Variants in RBMS1 observed in about 807,000 individuals in gnomAD.
The protein encoded by RBMS1 is RNA-binding motif, single-stranded-interacting protein 1.
A neutral mutation model predicts 62.3 loss-of-function variants in RBMS1; 17 were observed. The ratio of observed to expected loss-of-function variants is 0.27; its 90% CI spans 0.19 to 0.41. RBMS1 has a LOEUF of 0.41. RBMS1 is among the 10% of genes least tolerant of loss of function. The pLI is 1.00. For synonymous variants in RBMS1, 172 were observed against 170.0 expected (o/e 1.01, Z -0.09); for missense variants, 334 against 504.5 (o/e 0.66, Z 3.24).
intron 9 of RBMS1, chr2:160,282,467 G>A (rs1688154127): frequency 1.3e-5 from 6 of 464,526 alleles, no homozygotes; most frequent in South Asian, 1.0e-4. Flanking sequence ...ACTCCAACAT[G>A]AGTGCAGGGC....
intron 2 of RBMS1, among the ~76,000 whole-genome samples, chr2:160,355,495 C>T (rs573173880): frequency 2.0e-5 from 3 of 152,212 alleles, no homozygotes; most frequent in South Asian, 4.1e-4. Flanking sequence ...TCTTAAGACT[C>T]CAAATCTTAT....
At position 160,285,446 on chromosome 2, in the gene RBMS1, C is replaced by A. The variant is rs897420544; in HGVS notation, c.757-402G>T. 6.6e-5 allele frequency among the ~76,000 whole-genome samples: 10 copies of A among 152,236 alleles called. 1 individual carries two copies. Among genetic ancestry groups the A allele is most frequent in the Middle Eastern group, 6.8e-3 (2 of 294 alleles). ...CTACATAAAAAATCAATCTCTCTAG[C>A]ATACTAGCTACGTTTCAAGTGCTCA... On this transcript the variant is annotated intron_variant, in intron 7 of 13. Coordinates refer to ENST00000348849, the MANE Select transcript of RBMS1 (RefSeq NM_016836.4).
At chr2:160,356,117 C>T (rs1692786112) in intron 2 of RBMS1, among the ~76,000 whole-genome samples, 1 of 152,064 alleles carries the variant, frequency 6.6e-6, no homozygotes, top group Admixed American at 6.6e-5. Context: ...CATATATGCA[C>T]AAACCCTCTC....
chr2:160,351,677 G>A (rs1163915568), intron 2 of RBMS1, among the ~76,000 whole-genome samples: 1 of 152,144 alleles, frequency 6.6e-6, no homozygotes, highest in Non-Finnish European at 1.5e-5. Flanking sequence ...CCAGGAAACT[G>A]TTGTGCATCC....
At chr2:160,375,186 C>T (rs1693933265) in intron 1 of RBMS1, among the ~76,000 whole-genome samples, 1 of 152,136 alleles carries the variant, frequency 6.6e-6, no homozygotes, top group Non-Finnish European at 1.5e-5. Context: ...ACCTTTAGTA[C>T]TCTTGTCTGT....
chr2:160,340,635 A>C (rs528716666), intron 2 of RBMS1, among the ~76,000 whole-genome samples: 1 of 152,300 alleles, frequency 6.6e-6, no homozygotes, highest in South Asian at 2.1e-4. Context: ...TCTGATATAC[A>C]ACTTATAAAA....
At chr2:160,280,586 T>C (rs186571104) in intron 10 of RBMS1, among the ~76,000 whole-genome samples, 15 of 152,328 alleles carry the variant, frequency 9.8e-5, no homozygotes, top group Middle Eastern at 3.4e-3. Flanking sequence ...GTGAACTGTA[T>C]TGCTTACCAG....
At chr2:160,330,412 T>TA (rs1691197626) in intron 2 of RBMS1, among the ~76,000 whole-genome samples, 1 of 152,128 alleles carries the variant, frequency 6.6e-6, no homozygotes, top group African/African-American at 2.4e-5. Flanking sequence ...ATCAAATATA[T>TA]AAATGTCCCA....
At chr2:160,419,737 A>G (rs867365815) in intron 1 of RBMS1, among the ~76,000 whole-genome samples, 6 of 152,228 alleles carry the variant, frequency 3.9e-5, no homozygotes, top group African/African-American at 9.6e-5. Context: ...ATAGCCGGTT[A>G]TAAGTTTTCT....
chr2:160,287,124 A>G, intron 6 of RBMS1, 40 bp from the exon 7 acceptor site: 1 of 1,608,226 alleles, frequency 6.2e-7, no homozygotes, highest in Admixed American at 1.7e-5. Flanking sequence ...CCACAATGAT[A>G]CGTGTATGTG....
At chr2:160,481,787 C>A (rs776000820) in intron 1 of RBMS1, among the ~76,000 whole-genome samples, 1 of 152,022 alleles carries the variant, frequency 6.6e-6, no homozygotes, top group Non-Finnish European at 1.5e-5. Context: ...CAGGAAAATG[C>A]AAATTAAAAC....
intron 11 of RBMS1, chr2:160,277,838 G>C (rs1474966735): frequency 6.4e-6 from 1 of 157,142 alleles, no homozygotes; most frequent in Non-Finnish European, 1.4e-5. Context: ...TTAGGCAGCA[G>C]AGCCTGGCTT....
At chr2:160,398,920 A>C (rs563626435) in intron 1 of RBMS1, among the ~76,000 whole-genome samples, 1 of 152,240 alleles carries the variant, frequency 6.6e-6, no homozygotes, top group Non-Finnish European at 1.5e-5. Flanking sequence ...TAATACATTC[A>C]CACTGCCACA....
In RBMS1 at chr2:160,359,531, T is replaced by G. The variant is rs560908786; in HGVS notation, c.251+7685A>C. The stretch of plus-strand genomic sequence containing the variant: ...TTTTCCTACCTCATCATAGGATCAT[T>G]CTTTTGTATTGAAAATAAGGGCTCT... On this transcript the variant is annotated intron_variant, in intron 2 of 13. Transcript: ENST00000348849. Among the ~76,000 whole-genome samples, 124 of 152,294 alleles carry G rather than the reference T, an allele frequency of 8.1e-4. 3 individuals are homozygous for G. In the South Asian group the frequency reaches 0.026, roughly 32 times the overall value.
intron 1 of RBMS1, among the ~76,000 whole-genome samples, chr2:160,482,442 G>C (rs1338748788): frequency 2.0e-5 from 3 of 152,104 alleles, no homozygotes; most frequent in Admixed American, 2.0e-4. Flanking sequence ...TTATTCCACT[G>C]CACTTTGTGA....
intron 6 of RBMS1, among the ~76,000 whole-genome samples, chr2:160,294,609 C>T (rs372284291): frequency 3.6e-4 from 55 of 152,264 alleles, no homozygotes; most frequent in African/African-American, 1.1e-3. Flanking sequence ...AAGTATCTTT[C>T]GGGAATTGTG....
chr2:160,313,734 T>C (rs1156882808), intron 3 of RBMS1, among the ~76,000 whole-genome samples: 2 of 152,172 alleles, frequency 1.3e-5, no homozygotes, highest in Non-Finnish European at 2.9e-5. Flanking sequence ...AGTACAACTA[T>C]TAGACACCCC....
chr2:160,364,199 T>C (rs984293905), intron 2 of RBMS1, among the ~76,000 whole-genome samples: 1 of 152,326 alleles, frequency 6.6e-6, no homozygotes, highest in Admixed American at 6.5e-5. Flanking sequence ...ATGAATCCTT[T>C]TGGCTACCTG....
intron 1 of RBMS1, among the ~76,000 whole-genome samples, chr2:160,371,107 C>T (rs1310776471): frequency 6.6e-6 from 1 of 152,188 alleles, no homozygotes; most frequent in Non-Finnish European, 1.5e-5. Flanking sequence ...AACCCTCATT[C>T]ATAGATTAAA....
Sources: gnomAD v4.1 joint callset for allele counts (sites outside exome capture counted in the v4.1 genomes callset) on GRCh38, gnomAD v4.1.1 for gene constraint, MANE v1.5 for transcripts, NCBI Gene and HGNC (gene_info 2026-07-23, HGNC 2026-07-21) for gene names.